The following ADORA2B variants were observed in gnomAD, a reference collection of about 807,000 sequenced individuals.
The protein encoded by ADORA2B is adenosine receptor A2b.
ADORA2B carries 18 observed loss-of-function variants against 20.8 expected under a neutral mutation model. The ratio of observed to expected loss-of-function variants is 0.87; its 90% CI spans 0.60 to 1.29. The LOEUF (loss-of-function observed/expected upper bound fraction) is 1.29, where lower values mean the gene tolerates loss of function less well. ADORA2B is among the 50% of genes most tolerant of loss of function. The probability of loss-of-function intolerance (pLI) is 0.00; values close to 1 mark genes in which losing one functional copy is unlikely to be tolerated. For synonymous variants in ADORA2B, 179 were observed against 178.3 expected (o/e 1.00, Z -0.03); for missense variants, 441 against 422.7 (o/e 1.04, Z -0.38).
intron 1 of ADORA2B, among the ~76,000 whole-genome samples, chr17:15,953,122 G>C (rs1325509687): frequency 1.3e-5 from 2 of 152,166 alleles, no homozygotes; most frequent in Non-Finnish European, 2.9e-5. Flanking sequence ...GGAGTGCAGG[G>C]TGCGCAGGAG....
chr17:15,938,447 C>T, the ADORA2B span, among the ~76,000 whole-genome samples: 3 of 151,904 alleles, frequency 2.0e-5, no homozygotes, highest in Admixed American at 6.6e-5. Flanking sequence ...GGACTACAGG[C>T]GCCCGCCACC....
At chr17:15,964,658 TTG>T (rs1970080291) in intron 1 of ADORA2B, among the ~76,000 whole-genome samples, 1 of 150,384 alleles carries the variant, frequency 6.6e-6, no homozygotes, top group Non-Finnish European at 1.5e-5. Flanking sequence ...ACTTTTTTAA[TTG>T]TTATAGTGCT....
chr17:15,974,579 A>C (rs1970224271), intron 1 of ADORA2B, 100 bp from the exon 2 acceptor site: 1 of 1,041,046 alleles, frequency 9.6e-7, no homozygotes, highest in Admixed American at 2.3e-5. Context: ...TGAACTTTAG[A>C]GGTTGTTAAA....
At chr17:15,935,733 T>C in the ADORA2B span, among the ~76,000 whole-genome samples, 6 of 152,148 alleles carry the variant, frequency 3.9e-5, no homozygotes, top group East Asian at 9.6e-4. Context: ...GATTTTTCTT[T>C]TATCTTTTTT....
At chr17:15,964,763 A>AT (rs1328153943) in intron 1 of ADORA2B, among the ~76,000 whole-genome samples, 12 of 150,140 alleles carry the variant, frequency 8.0e-5, no homozygotes, top group African/African-American at 2.5e-4. Flanking sequence ...ATAGATGAAT[A>AT]TTAAAAAAAA....
At chr17:15,936,230 A>G in the ADORA2B span, among the ~76,000 whole-genome samples, 1 of 151,558 alleles carries the variant, frequency 6.6e-6, no homozygotes, top group Non-Finnish European at 1.5e-5. Flanking sequence ...ATTCTTCATC[A>G]TTTCCATCTC....
chr17:15,905,063 A>G, the ADORA2B span, among the ~76,000 whole-genome samples: 1 of 152,200 alleles, frequency 6.6e-6, no homozygotes, highest in African/African-American at 2.4e-5. Flanking sequence ...ATCTACCAAA[A>G]AAAAAGGTTT....
At chr17:15,954,775 T>C (rs192779847) in intron 1 of ADORA2B, among the ~76,000 whole-genome samples, 1 of 152,032 alleles carries the variant, frequency 6.6e-6, no homozygotes, top group Non-Finnish European at 1.5e-5. Flanking sequence ...TCAAAAAAAA[T>C]TTTTTATTTC....
chr17:15,903,667 T>C, the ADORA2B span, among the ~76,000 whole-genome samples: 60 of 152,356 alleles, frequency 3.9e-4, no homozygotes, highest in Non-Finnish European at 3.4e-4. Flanking sequence ...TGAATTAATA[T>C]CTTTTGGAAG....
the ADORA2B span, among the ~76,000 whole-genome samples, chr17:15,923,206 A>ATTCTTTTTTTTTT: frequency 8.8e-6 from 1 of 113,528 alleles, no homozygotes; most frequent in African/African-American, 3.6e-5. Flanking sequence ...TCTTTTTTTA[A>ATTCTTTTTTTTTT]TTTTTTTTTT....
At chr17:15,867,974 T>TGTC in the ADORA2B span, among the ~76,000 whole-genome samples, 1 of 151,200 alleles carries the variant, frequency 6.6e-6, no homozygotes, top group Non-Finnish European at 1.5e-5. Context: ...ATGGTTGCCG[T>TGTC]GTCTGTGTAG....
At chr17:15,927,139 G>A in the ADORA2B span, among the ~76,000 whole-genome samples, 1 of 152,124 alleles carries the variant, frequency 6.6e-6, no homozygotes, top group East Asian at 1.9e-4. Context: ...CTGAGGTCAG[G>A]AGTTCGAAAC....
chr17:15,861,756 C>T, the ADORA2B span, among the ~76,000 whole-genome samples: 29 of 152,298 alleles, frequency 1.9e-4, 1 homozygote, highest in East Asian at 3.9e-3. Context: ...TTTTCAGTGC[C>T]CCTGGTCACC....
chr17:15,852,889 T>C, the ADORA2B span, among the ~76,000 whole-genome samples: 1 of 152,138 alleles, frequency 6.6e-6, no homozygotes, highest in African/African-American at 2.4e-5. Flanking sequence ...AAAGATCTAA[T>C]GTGTAATTGG....
At chr17:15,933,793 G>T in the ADORA2B span, among the ~76,000 whole-genome samples, 1 of 152,118 alleles carries the variant, frequency 6.6e-6, no homozygotes, top group African/African-American at 2.4e-5. Context: ...TATATATAGA[G>T]AGAGAGTTTT....
the ADORA2B span, among the ~76,000 whole-genome samples, chr17:15,853,397 A>G: frequency 6.6e-6 from 1 of 152,274 alleles, no homozygotes; most frequent in Non-Finnish European, 1.5e-5. Flanking sequence ...CTTTTAAAAG[A>G]TTATTAAAAT....
the ADORA2B span, among the ~76,000 whole-genome samples, chr17:15,928,038 G>C: frequency 6.6e-5 from 10 of 151,908 alleles, no homozygotes; most frequent in South Asian, 2.1e-3. Context: ...TTGATCTCCT[G>C]ACCTCGTGAT....
At chr17:15,871,128 C>T in the ADORA2B span, among the ~76,000 whole-genome samples, 6 of 152,276 alleles carry the variant, frequency 3.9e-5, no homozygotes, top group South Asian at 2.1e-4. Flanking sequence ...TTGGGGCACC[C>T]GCTCCCACTC....
chr17:15,872,647 T>C, the ADORA2B span, among the ~76,000 whole-genome samples: 1 of 152,194 alleles, frequency 6.6e-6, no homozygotes, highest in Non-Finnish European at 1.5e-5. Context: ...GTTTTTGTTT[T>C]TGTTTTTGTT....
Sources: gnomAD v4.1 joint callset for allele counts (sites outside exome capture counted in the v4.1 genomes callset) on GRCh38, gnomAD v4.1.1 for gene constraint, MANE v1.5 for transcripts, NCBI Gene and HGNC (gene_info 2026-07-23, HGNC 2026-07-21) for gene names.